GNB5: variants seen among roughly 807,000 people sequenced by gnomAD.
The protein encoded by GNB5 is guanine nucleotide-binding protein subunit beta-5.
A neutral mutation model predicts 55.3 loss-of-function variants in GNB5; 37 were observed. The ratio of observed to expected loss-of-function variants is 0.67; its 90% CI spans 0.51 to 0.88. The LOEUF is 0.88. Ranked by LOEUF, GNB5 falls within the 40% of genes least tolerant of loss-of-function variation. The pLI is 0.00. For synonymous variants in GNB5, 219 were observed against 198.5 expected (o/e 1.10, Z -0.87); for missense variants, 476 against 515.3 (o/e 0.92, Z 0.74).
chr15:52,159,853 C>T (rs2034294026), intron 3 of GNB5, among the ~76,000 whole-genome samples: 1 of 152,122 alleles, frequency 6.6e-6, no homozygotes, highest in South Asian at 2.1e-4. Context: ...AGGGTTGACT[C>T]CGCTGGCAGG....
At chr15:52,167,801 A>G (rs1237650065) in intron 3 of GNB5, among the ~76,000 whole-genome samples, 1 of 152,194 alleles carries the variant, frequency 6.6e-6, no homozygotes, top group Non-Finnish European at 1.5e-5. Context: ...AAACTTATCC[A>G]ACACTATCAA....
intron 3 of GNB5, among the ~76,000 whole-genome samples, chr15:52,158,570 G>A (rs2034264362): frequency 6.6e-6 from 1 of 151,608 alleles, no homozygotes; most frequent in Non-Finnish European, 1.5e-5. Context: ...AATTTAACAG[G>A]GCACGCTCAC....
rs1042701101 is a variant in GNB5, at chr15:52,115,891, C to G, written c.*6866G>C. On this transcript the variant is annotated 3_prime_UTR_variant, in exon 13 of 13. Transcript: ENST00000261837. ...TCTGCTTTTTGTCTTTATGAGTTTG[C>G]TTATTAGGACCTTTCATATACATGG... is the stretch of plus-strand genomic sequence containing the variant. 6.6e-6 allele frequency: 1 copy of G among 152,156 alleles called. No individual in the cohort carries two copies. The highest frequency in any genetic ancestry group is 2.4e-5 in the African/African-American group (1 of 41,442). 9.4% of individuals were successfully genotyped at this position (152,156 alleles called of 1,614,324 possible).
chr15:52,131,697 C>T (rs2033578686), intron 9 of GNB5, among the ~76,000 whole-genome samples: 1 of 152,146 alleles, frequency 6.6e-6, no homozygotes, highest in Admixed American at 6.5e-5. Flanking sequence ...CCTTATCCCA[C>T]ATTTGAGGGC....
intron 9 of GNB5, among the ~76,000 whole-genome samples, chr15:52,129,607 C>T (rs983346564): frequency 6.6e-6 from 1 of 152,120 alleles, no homozygotes; most frequent in East Asian, 1.9e-4. Context: ...CCATTTGGGG[C>T]CACATGGGCT....
At chr15:52,182,020 A>C (rs1358039688) in intron 2 of GNB5, among the ~76,000 whole-genome samples, 1 of 152,246 alleles carries the variant, frequency 6.6e-6, no homozygotes, top group Non-Finnish European at 1.5e-5. Flanking sequence ...GGTTAAGAGC[A>C]CAGGCTCTAT....
intron 3 of GNB5, among the ~76,000 whole-genome samples, chr15:52,162,381 A>G (rs1438484043): frequency 6.6e-6 from 1 of 152,214 alleles, no homozygotes; most frequent in Non-Finnish European, 1.5e-5. Flanking sequence ...CTCAATACAC[A>G]AGAATTCAAA....
intron 2 of GNB5, among the ~76,000 whole-genome samples, chr15:52,182,466 G>A (rs74015620): frequency 0.019 from 2,839 of 152,254 alleles, 84 homozygotes; most frequent in African/African-American, 0.066. Flanking sequence ...AATAAACCTC[G>A]AACAGCCTCC....
chr15:52,185,757 TTA>T (rs1566952432), intron 1 of GNB5, among the ~76,000 whole-genome samples: 19 of 94,416 alleles, frequency 2.0e-4, no homozygotes, highest in African/African-American at 7.5e-4. Context: ...CATCTTTTTA[TTA>T]TTATTATTAT....
chr15:52,132,185 T>A (rs1436651523), intron 9 of GNB5, among the ~76,000 whole-genome samples: 2 of 152,170 alleles, frequency 1.3e-5, no homozygotes, highest in Non-Finnish European at 2.9e-5. Context: ...AACAGGCTGA[T>A]AGCCTGGCTA....
chr15:52,140,220 A>G (rs911807423), intron 7 of GNB5: 9 of 183,008 alleles, frequency 4.9e-5, no homozygotes, highest in South Asian at 8.6e-5. Context: ...TAAACTATGG[A>G]AGGCTTTAAT....
intron 1 of GNB5, among the ~76,000 whole-genome samples, chr15:52,187,493 A>C (rs1048297003): frequency 6.6e-6 from 1 of 152,150 alleles, no homozygotes; most frequent in Admixed American, 6.5e-5. Flanking sequence ...TATGGCACCA[A>C]GTGGAGGAGG....
chr15:52,188,203 G>A (rs747777042), intron 1 of GNB5, among the ~76,000 whole-genome samples: 40 of 151,936 alleles, frequency 2.6e-4, no homozygotes, highest in Non-Finnish European at 4.7e-4. Flanking sequence ...ATTTTTTAAC[G>A]GAGACTCCAA....
intron 8 of GNB5, among the ~76,000 whole-genome samples, chr15:52,134,189 C>T (rs2033644462): frequency 2.0e-5 from 3 of 152,212 alleles, no homozygotes; most frequent in Non-Finnish European, 2.9e-5. Context: ...ATTATCCTAT[C>T]AAGGCTCTGG....
intron 1 of GNB5, among the ~76,000 whole-genome samples, chr15:52,190,777 TTAAAAAAAAAAAAAAAAA>T (rs1566953736): frequency 2.2e-5 from 1 of 46,442 alleles, no homozygotes; most frequent in Admixed American, 2.9e-4. Flanking sequence ...GCTTATTTCC[TTAAAAAAAAAAAAAAAAA>T]AAAAAAAAAA....
intron 3 of GNB5, among the ~76,000 whole-genome samples, chr15:52,177,762 G>C (rs1157573578): frequency 6.6e-6 from 1 of 152,118 alleles, no homozygotes; most frequent in East Asian, 1.9e-4. Context: ...CCTTCAAGAA[G>C]CAAAGGCTTT....
At chr15:52,145,638 C>T (rs1462241884) in intron 6 of GNB5, among the ~76,000 whole-genome samples, 2 of 151,940 alleles carry the variant, frequency 1.3e-5, no homozygotes, top group African/African-American at 4.8e-5. Flanking sequence ...GAGCCAGACT[C>T]CATCTCAAAA....
At chr15:52,179,913 A>G (rs1365632490) in intron 2 of GNB5, 34 bp from the exon 3 acceptor site, 2 of 1,490,888 alleles carry the variant, frequency 1.3e-6, no homozygotes, top group African/African-American at 1.5e-5. Flanking sequence ...AGGGAAGCGG[A>G]GAGCGGGAAT....
At chr15:52,135,088 G>C (rs1255396442) in intron 8 of GNB5, among the ~76,000 whole-genome samples, 4 of 152,012 alleles carry the variant, frequency 2.6e-5, no homozygotes, top group Admixed American at 6.6e-5. Flanking sequence ...AGCTTTCAAA[G>C]CCTCTGTTTC....
Sources: allele counts gnomAD v4.1 joint callset (sites outside exome capture counted in the v4.1 genomes callset), GRCh38; gene constraint gnomAD v4.1.1; transcripts MANE v1.5; gene names NCBI Gene and HGNC (gene_info 2026-07-23, HGNC 2026-07-21).